Variants in ANKRD27 observed in about 807,000 individuals in gnomAD.
ANKRD27 encodes the protein ankyrin repeat domain-containing protein 27.
A neutral mutation model predicts 129.7 loss-of-function variants in ANKRD27; 112 were observed. The observed-to-expected ratio is 0.86, with a 90% CI of 0.74 to 1.01. ANKRD27 has a LOEUF of 1.01. ANKRD27 is among the 50% of genes least tolerant of loss of function. The pLI is 0.00. For synonymous variants in ANKRD27, 516 were observed against 511.2 expected, an observed-to-expected ratio of 1.01 and a Z score of -0.13; for missense variants, 1,258 against 1,300.5, an observed-to-expected ratio of 0.97 and a Z score of 0.50.
intron 4 of ANKRD27, among the ~76,000 whole-genome samples, chr19:32,645,109 C>T (rs910386297): frequency 6.6e-6 from 1 of 152,112 alleles, no homozygotes; most frequent in African/African-American, 2.4e-5. Flanking sequence ...GATGTTTAAC[C>T]TTTTTTAAAA....
At chr19:32,666,773 C>T (rs933289463) in intron 1 of ANKRD27, among the ~76,000 whole-genome samples, 10 of 151,372 alleles carry the variant, frequency 6.6e-5, no homozygotes, top group Admixed American at 6.0e-4. Flanking sequence ...CAGCCTCCCT[C>T]GTAGCTGGGA....
intron 19 of ANKRD27, 23 bp from the exon 20 acceptor site, chr19:32,619,402 A>T (rs927672943): frequency 6.2e-7 from 1 of 1,613,774 alleles, no homozygotes; most frequent in African/African-American, 1.3e-5. Context: ...AGCCCCAACG[A>T]GAGAGAGGAC....
rs1436247391 is a variant in ANKRD27 at position 32,643,355 on chromosome 19, G to A, written c.640-3C>T. 4 of 1,613,932 alleles carry A rather than the reference G, an allele frequency of 2.5e-6. No individual in the cohort carries two copies. In the South Asian group the frequency reaches 3.3e-5, roughly 13 times the overall value. On this transcript the variant is annotated splice_polypyrimidine_tract_variant and splice_region_variant and intron_variant, in intron 7 of 28. Transcript: ENST00000306065. The stretch of plus-strand genomic sequence containing the variant: ...TAAATTTCATGATGGACGTATATCT[G>A]TGGAATCAACAGACCCCATTCAGGG...
At chr19:32,660,650 C>G (rs891964380) in intron 1 of ANKRD27, among the ~76,000 whole-genome samples, 3 of 152,186 alleles carry the variant, frequency 2.0e-5, no homozygotes, top group Admixed American at 1.3e-4. Context: ...TCACCTTGTA[C>G]TTCCCAGCCT....
intron 15 of ANKRD27, 77 bp from the exon 16 acceptor site, chr19:32,626,904 C>T: frequency 1.1e-6 from 1 of 930,108 alleles, no homozygotes; most frequent in Non-Finnish European, 1.7e-6. Flanking sequence ...AACCACAACA[C>T]TATTGCACCC....
Position 32,612,883 on chromosome 19 carries a change from G to A in ANKRD27, c.2175+2775C>T, listed in dbSNP as rs147066986. On this transcript the variant is annotated intron_variant, in intron 22 of 28. Coordinates refer to ENST00000306065, the MANE Select transcript of ANKRD27 (RefSeq NM_032139.3). ...GGAGAAAGTTGGAAATCTAGAGCAAGGCAAAGAATTCTCAGACTTGACACC... is the reference window on the plus strand; with the variant it reads ...GGAGAAAGTTGGAAATCTAGAGCAAAGCAAAGAATTCTCAGACTTGACACC... Among the ~76,000 whole-genome samples the A allele has an allele frequency of 5.3e-5, 8 of 152,074 alleles. No individual in the cohort carries two copies. In the East Asian group the frequency reaches 1.4e-3, roughly 26 times the overall value.
In ANKRD27 at chr19:32,602,082, AAC is replaced by A. The variant is rs1971661530; in HGVS notation, c.2698_2699del (p.Val900CysfsTer5). 3 of 1,614,022 alleles carry A rather than the reference AAC, an allele frequency of 1.9e-6. No individual in the cohort carries two copies. The highest frequency in any genetic ancestry group is 2.5e-6 in the Non-Finnish European group (3 of 1,179,994). On this transcript the variant is annotated frameshift_variant, in exon 26 of 29. Transcript: ENST00000306065. LOFTEE classifies it high-confidence loss of function. ...MELLQVVPSC[V>X]ASLDDVAETD... ...TTTCAGCCACATCATCTAATGAAGC[AAC>A]ACAGCTTGGTACCACCTGAAGCAAT...
At chr19:32,621,757 C>T (rs554452944) in intron 18 of ANKRD27, among the ~76,000 whole-genome samples, 4 of 152,278 alleles carry the variant, frequency 2.6e-5, no homozygotes, top group South Asian at 2.1e-4. Context: ...ATATTCTGGA[C>T]GTCCATGCTG....
chr19:32,599,493 C>T (rs1568392948), intron 28 of ANKRD27, among the ~76,000 whole-genome samples: 3 of 152,200 alleles, frequency 2.0e-5, no homozygotes. Flanking sequence ...CTTTCCACTC[C>T]TCTGCTCAGA....
intron 26 of ANKRD27, among the ~76,000 whole-genome samples, chr19:32,601,081 T>C (rs886831079): frequency 2.7e-5 from 4 of 146,818 alleles, no homozygotes; most frequent in East Asian, 2.1e-4. Flanking sequence ...GGCGGATCAC[T>C]TGAGGTCAGG....
At chr19:32,648,900 A>T (rs1416067813) in intron 3 of ANKRD27, among the ~76,000 whole-genome samples, 3 of 152,034 alleles carry the variant, frequency 2.0e-5, no homozygotes, top group Non-Finnish European at 4.4e-5. Context: ...AAGCACATTT[A>T]AGAGTTTTTT....
intron 12 of ANKRD27, among the ~76,000 whole-genome samples, chr19:32,632,974 G>A (rs1219416793): frequency 1.3e-5 from 2 of 152,150 alleles, no homozygotes; most frequent in Non-Finnish European, 2.9e-5. Flanking sequence ...CCTGTGAGAG[G>A]CACTTCTGCC....
rs562439409 is a variant in ANKRD27 at position 32,615,899 on chromosome 19, A to G, written c.2053-119T>C. 68 of 1,390,118 alleles carry G rather than the reference A, an allele frequency of 4.9e-5. 1 individual carries two copies. The South Asian group carries it at 9.1e-4, about 19-fold the overall frequency. The allele number at this position is 1,390,118 out of a possible 1,614,324, so 86.1% of individuals were successfully genotyped here. Reference sequence around the variant, plus strand: ...GGCCCACGCTTCCTTCTCCAACCCCACAGCCATTTATAACCGGCTTCTGCT... The same window carrying G: ...GGCCCACGCTTCCTTCTCCAACCCCGCAGCCATTTATAACCGGCTTCTGCT... On this transcript the variant is annotated intron_variant, in intron 21 of 28. Transcript: ENST00000306065.
chr19:32,667,586 T>C (rs2145327710), intron 1 of ANKRD27, among the ~76,000 whole-genome samples: 1 of 152,294 alleles, frequency 6.6e-6, no homozygotes, highest in Non-Finnish European at 1.5e-5. Flanking sequence ...ATTACTGTTA[T>C]TTAAAACCTC....
In ANKRD27 at chr19:32,646,473, T is replaced by G. The variant is rs529157625; in HGVS notation, c.356A>C (p.Lys119Thr). The G allele has an allele frequency of 3.7e-6, 6 of 1,606,052 alleles. No individual in the cohort carries two copies. The South Asian group carries it at 4.4e-5, about 12-fold the overall frequency. ...TCCCAGAATACCTGAACTCTCTCTCTTTTCCAAAGGATGGGCTATACACAG... is the reference window on the plus strand; with the variant it reads ...TCCCAGAATACCTGAACTCTCTCTCGTTTCCAAAGGATGGGCTATACACAG... Reference protein sequence around the residue: ...SILCIAHPLEKRESSEEPLAP... With the variant: ...SILCIAHPLETRESSEEPLAP... Residue 119 changes from lysine to threonine, a missense_variant, in exon 4 of 29, where the codon AAG (lysine) becomes ACG (threonine). Physicochemically the swap from Lys to Thr is moderately conservative, Grantham distance 78. Coordinates refer to ENST00000306065, the MANE Select transcript of ANKRD27 (RefSeq NM_032139.3).
chr19:32,667,607 C>A (rs1348298983), intron 1 of ANKRD27, among the ~76,000 whole-genome samples: 3 of 152,084 alleles, frequency 2.0e-5, no homozygotes, highest in Non-Finnish European at 2.9e-5. Context: ...ATAATCCCAG[C>A]ACTTTCGGAG....
In ANKRD27 at chr19:32,625,901, G is replaced by A; in HGVS notation, c.1602C>T (p.His534=). The A allele has an allele frequency of 1.2e-6, 2 of 1,610,546 alleles. No homozygotes were observed. The highest frequency in any genetic ancestry group is 1.7e-6 in the Non-Finnish European group (2 of 1,179,004). ...VQDNNGNTPL[H]LACTYGHEDC... is the part of the protein sequence containing the mutation. ...CCTCGTGGCCGTAGGTGCAGGCCAG[G>A]TGGAGTGGCGTATTCCCATTGTTGT... Residue 534 remains histidine, a synonymous_variant, in exon 17 of 29, where the codon CAC becomes CAT. Coordinates refer to ENST00000306065, the MANE Select transcript of ANKRD27 (RefSeq NM_032139.3).
intron 18 of ANKRD27, 119 bp downstream of exon 18, chr19:32,622,303 G>A (rs767865617): frequency 1.4e-4 from 148 of 1,061,718 alleles, no homozygotes; most frequent in Middle Eastern, 2.3e-4. Context: ...CAGAAAGGGT[G>A]CAAGCCAAGT....
In ANKRD27 at chr19:32,658,071, T is replaced by G. The variant is rs16967339; in HGVS notation, c.102+843A>C. On this transcript the variant is annotated intron_variant, in intron 2 of 28. Coordinates refer to ENST00000306065, the MANE Select transcript of ANKRD27 (RefSeq NM_032139.3). The stretch of plus-strand genomic sequence containing the variant: ...TGAAGCCACACTCAGCTAACCTGAC[T>G]TCTCCTTCAGTTCAAACCCTCAGGC... Among the ~76,000 whole-genome samples, 529 of 152,292 alleles carry G rather than the reference T, an allele frequency of 3.5e-3. 13 individuals carry two copies. The South Asian group carries it at 0.062, about 18-fold the overall frequency.
Sources: gnomAD v4.1 joint callset for allele counts (sites outside exome capture counted in the v4.1 genomes callset) on GRCh38, gnomAD v4.1.1 for gene constraint, MANE v1.5 for transcripts, NCBI Gene and HGNC (gene_info 2026-07-23, HGNC 2026-07-21) for gene names.